B9D1: variants seen among roughly 807,000 people sequenced by gnomAD.
B9D1 encodes the protein B9 domain containing 1.
In B9D1, 20 loss-of-function variants were observed where a neutral mutation model predicts 26.1. The observed-to-expected ratio is 0.77, with a 90% CI of 0.54 to 1.12. The LOEUF (loss-of-function observed/expected upper bound fraction) is 1.12. Ranked by LOEUF, B9D1 falls within the 50% of genes most tolerant of loss-of-function variation. B9D1 has a pLI of 0.00. For synonymous variants in B9D1, 105 were observed against 103.1 expected, an observed-to-expected ratio of 1.02 and a Z score of -0.11; for missense variants, 260 against 273.7, an observed-to-expected ratio of 0.95 and a Z score of 0.35.
intron 3 of B9D1, among the ~76,000 whole-genome samples, chr17:19,355,832 T>C (rs375659301): frequency 1.4e-4 from 21 of 151,826 alleles, no homozygotes; most frequent in African/African-American, 5.1e-4. Context: ...AGACTCAGTC[T>C]CAAAAAAAAA....
chr17:19,368,456 G>A (rs1052259731), intron 1 of B9D1, among the ~76,000 whole-genome samples: 1 of 152,118 alleles, frequency 6.6e-6, no homozygotes, highest in Non-Finnish European at 1.5e-5. Context: ...GTGACCTTGG[G>A]CTGTTTGCTT....
At chr17:19,341,261 A>T, downstream of B9D1, 9 of 1,231,810 alleles carry the variant, frequency 7.3e-6, no homozygotes, top group Non-Finnish European at 9.1e-6. Flanking sequence ...ATGTGGACCA[A>T]GGCCAGTGCC....
chr17:19,360,480 G>A lies in B9D1; in HGVS notation c.64-92C>T, dbSNP rs896467488. ...GGTGCAGCCAAGGGGAATTCTGAAC[G>A]TGAGACACCTGGGAGTGGGTCTAAG... is the stretch of plus-strand genomic sequence containing the variant. On this transcript the variant is annotated intron_variant, in intron 1 of 6. Coordinates refer to ENST00000261499, the MANE Select transcript of B9D1 (RefSeq NM_015681.6). The A allele has an allele frequency of 4.4e-5, 49 of 1,122,890 alleles. No individual in the cohort carries two copies. In the African/African-American group the frequency reaches 4.9e-4, roughly 11 times the overall value. 69.6% of individuals were successfully genotyped at this position (1,122,890 alleles called of 1,614,324 possible).
chr17:19,345,199 G>A (rs1908600780), intron 5 of B9D1, among the ~76,000 whole-genome samples: 1 of 152,122 alleles, frequency 6.6e-6, no homozygotes, highest in African/African-American at 2.4e-5. Context: ...CAGACTGCAG[G>A]AACTGAGGTA....
At chr17:19,344,137 T>C (rs1488319060) in intron 5 of B9D1, among the ~76,000 whole-genome samples, 1 of 152,078 alleles carries the variant, frequency 6.6e-6, no homozygotes, top group Non-Finnish European at 1.5e-5. Context: ...CTGGCTTCCA[T>C]GGGTTTGGTT....
intron 3 of B9D1, among the ~76,000 whole-genome samples, chr17:19,352,220 T>C (rs1481700937): frequency 6.6e-6 from 1 of 152,148 alleles, no homozygotes; most frequent in African/African-American, 2.4e-5. Context: ...GGTTTTCAGT[T>C]TTAAAAACCA....
At chr17:19,356,077 T>A (rs1910305460) in intron 3 of B9D1, among the ~76,000 whole-genome samples, 1 of 152,126 alleles carries the variant, frequency 6.6e-6, no homozygotes, top group Non-Finnish European at 1.5e-5. Flanking sequence ...TGAGATGTTA[T>A]CTTTCTCCAA....
At chr17:19,351,662 T>C (rs897255398) in intron 3 of B9D1, among the ~76,000 whole-genome samples, 1 of 152,236 alleles carries the variant, frequency 6.6e-6, no homozygotes, top group African/African-American at 2.4e-5. Context: ...GAACTTTCTT[T>C]GTGAGAACAT....
downstream of B9D1, chr17:19,337,756 G>T: frequency 1.3e-6 from 2 of 1,532,848 alleles, no homozygotes; most frequent in South Asian, 2.4e-5. Flanking sequence ...TGGCTATGAA[G>T]GGAAAAATGG....
upstream of B9D1, among the ~76,000 whole-genome samples, chr17:19,366,946 G>A (rs1453131417): frequency 1.3e-5 from 2 of 152,200 alleles, no homozygotes; most frequent in Admixed American, 6.5e-5. Context: ...GAGAGAGGCA[G>A]ACAAATCTGG....
chr17:19,343,881 T>G, intron 5 of B9D1, 24 bp from the exon 6 acceptor site: 1 of 1,613,578 alleles, frequency 6.2e-7, no homozygotes, highest in Non-Finnish European at 8.5e-7. Flanking sequence ...AGAACACAGG[T>G]GAGCAGGGCC....
chr17:19,347,664 G>T lies in B9D1; in HGVS notation c.341+120C>A. ...CTACAACCCCCCTGGCCACCAGGCT[G>T]AGCTGCCCAGGCCCCTGGAGACCCC... On this transcript the variant is annotated intron_variant, in intron 4 of 6. Transcript: ENST00000261499. The surrounding 1 kb of genome is among the most constrained non-coding windows in gnomAD (Gnocchi z 4.3). 1.0e-6 allele frequency: 1 copy of T among 1,002,540 alleles called. No homozygotes were observed. Among genetic ancestry groups the T allele is most frequent in the Non-Finnish European group, 1.5e-6 (1 of 654,322 alleles). The allele number at this position is 1,002,540 out of a possible 1,614,324, so 62.1% of individuals were successfully genotyped here.
chr17:19,350,074 T>C (rs914026194), intron 3 of B9D1, among the ~76,000 whole-genome samples: 8 of 151,240 alleles, frequency 5.3e-5, no homozygotes, highest in Admixed American at 2.0e-4. Context: ...ATCACGCCAC[T>C]GCACTCCAGC....
chr17:19,352,514 A>ATTTTTTTTTTTTTTTTTTTTTTTTTTT, intron 3 of B9D1, among the ~76,000 whole-genome samples: 1 of 95,122 alleles, frequency 1.1e-5, no homozygotes, highest in Non-Finnish European at 2.0e-5. Flanking sequence ...GGCCTGGCTA[A>ATTTTTTTTTTTTTTTTTTTTTTTTTTT]TTTTTTTTTT....
At chr17:19,361,065 T>TA (rs1910997805) in intron 1 of B9D1, among the ~76,000 whole-genome samples, 1 of 152,024 alleles carries the variant, frequency 6.6e-6, no homozygotes, top group Admixed American at 6.6e-5. Flanking sequence ...TACTGTGAAC[T>TA]GCACATGTGG....
chr17:19,360,915 A>G (rs764259115), intron 1 of B9D1, among the ~76,000 whole-genome samples: 1 of 152,208 alleles, frequency 6.6e-6, no homozygotes, highest in African/African-American at 2.4e-5. Context: ...ACGGGTCCAC[A>G]CAGCAAGAGG....
chr17:19,357,740 C>G (rs1028559472), intron 3 of B9D1, 100 bp downstream of exon 3: 14 of 878,324 alleles, frequency 1.6e-5, no homozygotes, highest in African/African-American at 8.2e-5. Context: ...AGGTGACAAT[C>G]TGAATGTGAA....
rs541181963 is a variant in B9D1 at position 19,350,099 on chromosome 17, G to A, written c.245-2219C>T. ...TGCACTCCAGCCTGGGCGACAGAGC[G>A]AAATTCTGTCTCAAAAAAAAAAAAG... On this transcript the variant is annotated intron_variant, in intron 3 of 6. Coordinates refer to ENST00000261499, the MANE Select transcript of B9D1 (RefSeq NM_015681.6). Among the ~76,000 whole-genome samples, 19 of 148,004 alleles carry A rather than the reference G, an allele frequency of 1.3e-4. No homozygotes were observed. The East Asian group carries it at 3.6e-3, about 28-fold the overall frequency.
chr17:19,377,887 T>A, exon 1 of B9D1: 1 of 985,220 alleles, frequency 1.0e-6, no homozygotes. Flanking sequence ...CGAGCTGCAG[T>A]CCAACTTGGC....
Sources: allele counts gnomAD v4.1 joint callset (sites outside exome capture counted in the v4.1 genomes callset), GRCh38; gene constraint gnomAD v4.1.1; non-coding constraint Gnocchi (gnomAD v3.1); transcripts MANE v1.5; gene names NCBI Gene and HGNC (gene_info 2026-07-23, HGNC 2026-07-21).